Variants in RSPH10B observed in about 807,000 individuals in gnomAD.
RSPH10B encodes radial spoke head 10 homolog B.
Under a neutral mutation model 52.5 loss-of-function variants are expected in RSPH10B, and 7 were observed. That is an observed-to-expected ratio of 0.13 (90% CI 0.08 to 0.25). The LOEUF (loss-of-function observed/expected upper bound fraction) is 0.25, where lower values mean the gene tolerates loss of function less well. RSPH10B is among the 10% of genes least tolerant of loss of function. The pLI is 1.00. For synonymous variants in RSPH10B, 28 were observed against 193.2 expected, an observed-to-expected ratio of 0.14 and a Z score of 7.09; for missense variants, 89 against 542.5, an observed-to-expected ratio of 0.16 and a Z score of 8.30.
chr7:5,928,502 C>A, intron 17 of RSPH10B, 108 bp from the exon 20 acceptor site: 1 of 1,525,576 alleles, frequency 6.6e-7, no homozygotes, highest in South Asian at 1.1e-5. Context: ...CCCTTCTCCT[C>A]GGCCAGGAGA....
intron 9 of RSPH10B, among the ~76,000 whole-genome samples, chr7:5,950,323 C>A (rs1421420997): frequency 1.3e-5 from 2 of 151,980 alleles, no homozygotes; most frequent in Non-Finnish European, 2.9e-5. Flanking sequence ...GTAATCCCAG[C>A]ACTTTGGGAG....
At chr7:5,947,722 A>C (rs1325977964) in intron 10 of RSPH10B, among the ~76,000 whole-genome samples, 56 of 79,306 alleles carry the variant, frequency 7.1e-4, no homozygotes, top group African/African-American at 2.5e-3. Context: ...TCTCAAAAAA[A>C]ACAAAACAAA....
At chr7:5,968,499 G>GTTTA (rs547046490), upstream of RSPH10B, among the ~76,000 whole-genome samples, 4,164 of 78,842 alleles carry the variant, frequency 0.053, 39 homozygotes, top group East Asian at 0.21. Flanking sequence ...CTATGGGTTT[G>GTTTA]TTTATTTATT....
At chr7:5,968,577 G>A (rs1184763525), upstream of RSPH10B, among the ~76,000 whole-genome samples, 4 of 67,730 alleles carry the variant, frequency 5.9e-5, no homozygotes, top group African/African-American at 1.4e-4. Flanking sequence ...TGCGATCTTG[G>A]CTCACTGCAA....
intron 11 of RSPH10B, among the ~76,000 whole-genome samples, 178 bp downstream of exon 13, chr7:5,944,886 C>T (rs1780409386): frequency 2.0e-5 from 3 of 147,866 alleles, no homozygotes; most frequent in Admixed American, 6.8e-5. Context: ...TTGCTTGAAC[C>T]GGGGAGGCAG....
rs140401316 is a variant in RSPH10B, at chr7:5,928,209, C to T, written c.2419G>A (p.Glu807Lys). The T allele has an allele frequency of 9.3e-6, 15 of 1,612,862 alleles. No homozygotes were observed. In the Admixed American group the frequency reaches 1.8e-4, roughly 20 times the overall value. ...CTCGTAAGTTACCTTGCTTCCAGTT[C>T]GTCATCTTCCATCTTCCGCTGCTGG... The change falls in exon 18 of 19, where the codon GAA (glutamate) becomes AAA (lysine). Residue 807 changes from glutamate to lysine, a missense_variant. By Grantham distance (56) the Glu-to-Lys change is moderately conservative. Coordinates refer to ENST00000337579, the Ensembl canonical transcript of RSPH10B.
At chr7:5,948,173 G>T (rs2128633204) in intron 10 of RSPH10B, 47 bp downstream of exon 12, 1 of 6,300 alleles carries the variant, frequency 1.6e-4, no homozygotes, top group East Asian at 1.2e-3. Flanking sequence ...TGCCCGGCCT[G>T]GTCCTCTGCT....
intron 10 of RSPH10B, among the ~76,000 whole-genome samples, chr7:5,947,515 A>G (rs1780475690): frequency 1.8e-5 from 1 of 54,788 alleles, no homozygotes; most frequent in Non-Finnish European, 3.6e-5. Context: ...GGAGTTCGAG[A>G]CACGCCTAAC....
chr7:5,927,022 CGTGTGTGTGTGTGTGTGTGTGTGTATT>C (rs1487499917), intron 18 of RSPH10B, among the ~76,000 whole-genome samples: 2 of 95,926 alleles, frequency 2.1e-5, no homozygotes, highest in Admixed American at 1.8e-4. Context: ...CCCAAAGTTA[CGTGTGTGTGTGTGTGTGTGTGTGTATT>C]ATGTGTGTGT....
intron 18 of RSPH10B, among the ~76,000 whole-genome samples, chr7:5,927,072 G>GTGTGTGTGTGTGTGTATA (rs1779513847): frequency 2.9e-5 from 2 of 68,912 alleles, no homozygotes; most frequent in African/African-American, 1.4e-4. Flanking sequence ...GTGTGTATAT[G>GTGTGTGTGTGTGTGTATA]TGTGTGTGTG....
At chr7:5,927,022 C>CATGTGTGTGTGTGT (rs1779468227) in intron 18 of RSPH10B, among the ~76,000 whole-genome samples, 1 of 95,926 alleles carries the variant, frequency 1.0e-5, no homozygotes, top group African/African-American at 4.8e-5. Flanking sequence ...CCCAAAGTTA[C>CATGTGTGTGTGTGT]GTGTGTGTGT....
chr7:5,937,105 A>AT (rs1779961525), intron 15 of RSPH10B, among the ~76,000 whole-genome samples: 1 of 44,388 alleles, frequency 2.3e-5, no homozygotes, highest in African/African-American at 5.9e-5. Flanking sequence ...AAAAAAAAAA[A>AT]GAATTAGCTG....
At chr7:5,941,857 CTG>C (rs1780209570) in intron 13 of RSPH10B, among the ~76,000 whole-genome samples, 1 of 146,930 alleles carries the variant, frequency 6.8e-6, no homozygotes, top group South Asian at 2.1e-4. Context: ...TTTCGATAAA[CTG>C]TAATTGTTTT....
At chr7:5,943,787 T>TC (rs1187249683) in intron 12 of RSPH10B, 124 bp downstream of exon 14, 1 of 1,477,714 alleles carries the variant, frequency 6.8e-7, no homozygotes, top group Non-Finnish European at 9.2e-7. Flanking sequence ...CCTCAGGTGA[T>TC]CCTCCTGCCT....
intron 13 of RSPH10B, among the ~76,000 whole-genome samples, chr7:5,942,928 T>TTATATATATATATATATATATA (rs1244452966): frequency 4.7e-5 from 4 of 85,074 alleles, no homozygotes; most frequent in African/African-American, 1.4e-4. Context: ...ATATATATAT[T>TTATATATATATATATATATATA]TTTTTTTAAG....
At position 5,966,844 on chromosome 7, in the gene RSPH10B, G is replaced by C. The variant is rs374023173; in HGVS notation, c.254+19C>G. ...CTGACTGGCAGTGTTATACCCGATGGCACCCCCATTAAAATCACCTTTCCA... is the reference window on the plus strand; with the variant it reads ...CTGACTGGCAGTGTTATACCCGATGCCACCCCCATTAAAATCACCTTTCCA... On this transcript the variant is annotated intron_variant, in intron 1 of 18. Transcript: ENST00000337579. 1 of 1,232,808 alleles carries C rather than the reference G, an allele frequency of 8.1e-7. No homozygotes were observed. The highest frequency in any genetic ancestry group is 1.8e-5 in the African/African-American group (1 of 54,442). The allele number at this position is 1,232,808 out of a possible 1,614,324, so 76.4% of individuals were successfully genotyped here. A position where few individuals can be genotyped will look rare whatever the true frequency, so the allele number is the denominator to read the frequency against.
chr7:5,956,515 C>T (rs56384830), intron 6 of RSPH10B, among the ~76,000 whole-genome samples: 123 of 3,838 alleles, frequency 0.032, 1 homozygote, highest in Admixed American at 0.072. Context: ...CATAAAGTGC[C>T]TGGCTTGATC....
At chr7:5,927,242 A>G (rs2128619144) in intron 18 of RSPH10B, among the ~76,000 whole-genome samples, 1 of 113,940 alleles carries the variant, frequency 8.8e-6, no homozygotes, top group South Asian at 2.7e-4. Flanking sequence ...GGCGCCTGCC[A>G]CCACATCTGG....
At chr7:5,942,709 A>C (rs1414664790) in intron 13 of RSPH10B, among the ~76,000 whole-genome samples, 17 of 150,422 alleles carry the variant, frequency 1.1e-4, no homozygotes, top group Non-Finnish European at 7.4e-5. Context: ...TAAAAATACA[A>C]AAATTAGCCA....
Sources: allele counts gnomAD v4.1 joint callset (sites outside exome capture counted in the v4.1 genomes callset), GRCh38; gene constraint gnomAD v4.1.1; transcripts MANE v1.5; gene names NCBI Gene and HGNC (gene_info 2026-07-23, HGNC 2026-07-21).